The following DSCAM variants were observed in gnomAD, a reference collection of about 807,000 sequenced individuals.
DSCAM encodes the protein DS cell adhesion molecule.
DSCAM carries 47 observed loss-of-function variants against 217.7 expected under a neutral mutation model. The observed-to-expected ratio is 0.22, with a 90% CI of 0.17 to 0.28. The LOEUF (loss-of-function observed/expected upper bound fraction) is 0.28, where lower values mean the gene tolerates loss of function less well. Among genes scored for constraint, DSCAM ranks in the 10% least tolerant of loss-of-function variants. DSCAM has a pLI of 1.00. For missense variants in DSCAM, 2,080 were observed against 2,618.3 expected (o/e 0.79, Z 4.49); for synonymous variants, 1,056 against 1,015.3 (o/e 1.04, Z -0.76).
chr21:40,283,894 C>T lies in DSCAM; in HGVS notation c.2183-7624G>A, dbSNP rs75471383. On this transcript the variant is annotated intron_variant, in intron 10 of 32. Coordinates refer to ENST00000400454, the MANE Select transcript of DSCAM (RefSeq NM_001389.5). ...AGGGTGAAATAAGACTGAAGAGTCG[C>T]AGGACCATGGAAAGGAGGTCTCTTT... Among the ~76,000 whole-genome samples, 1,057 of 151,858 alleles carry T rather than the reference C, an allele frequency of 7.0e-3. 13 individuals carry two copies. Among genetic ancestry groups the T allele is most frequent in the Admixed American group, 0.021 (326 of 15,290 alleles).
rs187919017 is a variant in DSCAM, at chr21:40,619,037, C to T, written c.508+73773G>A. On this transcript the variant is annotated intron_variant, in intron 3 of 32. Transcript: ENST00000400454. The stretch of plus-strand genomic sequence containing the variant: ...CAAGCAGTATGCCACTTAAACCCAC[C>T]GGGTAAAAGGAAAGCTCAAATATAA... Among the ~76,000 whole-genome samples the T allele has an allele frequency of 3.9e-3, 590 of 151,410 alleles. 5 individuals are homozygous for T. The highest frequency in any genetic ancestry group is 3.8e-3 in the Non-Finnish European group (257 of 67,990).
intron 16 of DSCAM, among the ~76,000 whole-genome samples, chr21:40,152,696 T>C (rs1039637761): frequency 2.0e-5 from 3 of 152,288 alleles, no homozygotes; most frequent in African/African-American, 7.2e-5. Flanking sequence ...TTATTTTATA[T>C]GTCCTTCTCA....
intron 3 of DSCAM, among the ~76,000 whole-genome samples, chr21:40,617,797 C>T (rs1365937231): frequency 6.6e-6 from 1 of 152,194 alleles, no homozygotes; most frequent in Non-Finnish European, 1.5e-5. Context: ...GTCAGGTGTC[C>T]ATAGAGTAGC....
chr21:40,312,961 T>A (rs1007307), intron 8 of DSCAM, among the ~76,000 whole-genome samples: 25,957 of 151,626 alleles, frequency 0.17, 4,463 homozygotes, highest in African/African-American at 0.45. Flanking sequence ...AACATTTTTT[T>A]AAAAAATTAG....
intron 3 of DSCAM, among the ~76,000 whole-genome samples, chr21:40,493,775 A>G (rs951768121): frequency 1.3e-5 from 2 of 151,310 alleles, no homozygotes; most frequent in Admixed American, 6.6e-5. Flanking sequence ...AGGCAGGAGA[A>G]TCACTTGAAC....
At chr21:40,390,415 G>A (rs1188145931) in intron 3 of DSCAM, among the ~76,000 whole-genome samples, 4 of 152,154 alleles carry the variant, frequency 2.6e-5, no homozygotes, top group African/African-American at 4.8e-5. Context: ...AGAGAAGGTG[G>A]ATAGCCTTGG....
chr21:40,508,732 C>T (rs1487892188), intron 3 of DSCAM, among the ~76,000 whole-genome samples: 1 of 75,588 alleles, frequency 1.3e-5, no homozygotes, highest in Non-Finnish European at 2.5e-5. Context: ...CCACACCCGG[C>T]AAATATATAT....
chr21:40,753,937 C>T (rs1480863691), intron 1 of DSCAM, among the ~76,000 whole-genome samples: 4 of 152,226 alleles, frequency 2.6e-5, no homozygotes, highest in Non-Finnish European at 5.9e-5. Context: ...TGAGCTTCCA[C>T]TTAACCTGTC....
At chr21:40,813,962 T>C (rs2091860091) in intron 1 of DSCAM, among the ~76,000 whole-genome samples, 1 of 152,136 alleles carries the variant, frequency 6.6e-6, no homozygotes, top group African/African-American at 2.4e-5. Context: ...ACGGTTTCTT[T>C]TGGAGTTAAT....
chr21:40,607,345 T>C (rs533999908), intron 3 of DSCAM, among the ~76,000 whole-genome samples: 1 of 151,954 alleles, frequency 6.6e-6, no homozygotes, highest in African/African-American at 2.4e-5. Context: ...ATAAGAAATG[T>C]GCTTCAAGTT....
chr21:40,823,167 A>G (rs1052092392), intron 1 of DSCAM, among the ~76,000 whole-genome samples: 1 of 136,970 alleles, frequency 7.3e-6, no homozygotes, highest in South Asian at 2.8e-4. Flanking sequence ...CCGCCCCCCC[A>G]AAAAAGAAAG....
At chr21:40,717,886 T>A (rs1410566508) in intron 1 of DSCAM, among the ~76,000 whole-genome samples, 2 of 152,132 alleles carry the variant, frequency 1.3e-5, no homozygotes, top group African/African-American at 4.8e-5. Context: ...AAATTGAAGT[T>A]TGAGAAAGTA....
chr21:40,123,060 A>G (rs940033134), intron 20 of DSCAM, among the ~76,000 whole-genome samples: 1 of 152,212 alleles, frequency 6.6e-6, no homozygotes, highest in South Asian at 2.1e-4. Context: ...GACAAATGCT[A>G]TATCATTCCA....
chr21:40,797,100 T>C (rs1344682698), intron 1 of DSCAM, among the ~76,000 whole-genome samples: 1 of 152,188 alleles, frequency 6.6e-6, no homozygotes, highest in East Asian at 1.9e-4. Context: ...AAATAAACAT[T>C]AGGGCCTATT....
intron 1 of DSCAM, among the ~76,000 whole-genome samples, chr21:40,717,528 C>A (rs927165071): frequency 3.3e-5 from 5 of 152,198 alleles, no homozygotes; most frequent in African/African-American, 1.2e-4. Flanking sequence ...CTGGCACAAG[C>A]TACAATGGGG....
At chr21:40,565,457 C>T (rs1351921213) in intron 3 of DSCAM, among the ~76,000 whole-genome samples, 1 of 152,186 alleles carries the variant, frequency 6.6e-6, no homozygotes, top group African/African-American at 2.4e-5. Flanking sequence ...TTAATATGTT[C>T]ACAGAGAAGC....
intron 19 of DSCAM, among the ~76,000 whole-genome samples, chr21:40,128,529 C>T (rs558017682): frequency 2.6e-4 from 39 of 151,876 alleles, no homozygotes; most frequent in Middle Eastern, 3.4e-3. Context: ...TAATCAGATG[C>T]GCCCCTTAGA....
At chr21:40,195,493 T>G (rs1376550079) in intron 11 of DSCAM, among the ~76,000 whole-genome samples, 1 of 151,948 alleles carries the variant, frequency 6.6e-6, no homozygotes, top group Non-Finnish European at 1.5e-5. Flanking sequence ...AATACAGGAG[T>G]CCATCAGGAT....
At chr21:40,454,706 C>T (rs1279416959) in intron 3 of DSCAM, among the ~76,000 whole-genome samples, 1 of 152,186 alleles carries the variant, frequency 6.6e-6, no homozygotes, top group East Asian at 1.9e-4. Context: ...AAGAAGGTCT[C>T]TGCAGTATCT....
Sources: allele counts gnomAD v4.1 joint callset (sites outside exome capture counted in the v4.1 genomes callset), GRCh38; gene constraint gnomAD v4.1.1; transcripts MANE v1.5; gene names NCBI Gene and HGNC (gene_info 2026-07-23, HGNC 2026-07-21).